The following CAMK2D variants were observed in gnomAD, a reference collection of about 807,000 sequenced individuals.
CAMK2D encodes calcium/calmodulin-dependent protein kinase type II subunit delta.
CAMK2D carries 37 observed loss-of-function variants against 84.0 expected under a neutral mutation model. The observed-to-expected ratio is 0.44, with a 90% CI of 0.34 to 0.58. The LOEUF is 0.58. Among genes scored for constraint, CAMK2D ranks in the 20% least tolerant of loss-of-function variants. The pLI, the probability that CAMK2D is intolerant of heterozygous loss-of-function variation, is 0.02. For missense variants in CAMK2D, 448 were observed against 652.5 expected (o/e 0.69, Z 3.41); for synonymous variants, 202 against 212.5 (o/e 0.95, Z 0.43).
intron 4 of CAMK2D, among the ~76,000 whole-genome samples, chr4:113,573,002 T>C (rs113990343): frequency 1.3e-5 from 2 of 152,026 alleles, no homozygotes; most frequent in South Asian, 2.1e-4. Flanking sequence ...TATGAACTTA[T>C]GAACACAAAG....
At chr4:113,723,439 G>T (rs188435590) in intron 2 of CAMK2D, among the ~76,000 whole-genome samples, 8 of 152,164 alleles carry the variant, frequency 5.3e-5, no homozygotes, top group African/African-American at 1.7e-4. Flanking sequence ...GGCCAGGCTG[G>T]CCTCGAACTC....
Position 113,451,068 on chromosome 4 carries a change from A to G in CAMK2D, c.*3477T>C, listed in dbSNP as rs1051805840. ...CAGTAGAATTTTATTCAATGAAATC[A>G]CTCGAAAGCTGTGTCATCTATGTTT... On this transcript the variant is annotated 3_prime_UTR_variant, in exon 21 of 21. Coordinates refer to ENST00000511664, the MANE Select transcript of CAMK2D (RefSeq NM_001321571.2). 1 of 152,226 alleles carries G rather than the reference A, an allele frequency of 6.6e-6. No individual in the cohort carries two copies. Among genetic ancestry groups the G allele is most frequent in the Non-Finnish European group, 1.5e-5 (1 of 68,036 alleles). 9.4% of individuals were successfully genotyped at this position (152,226 alleles called of 1,614,324 possible).
rs2097274348 is a variant in CAMK2D, at chr4:113,453,807, AAAAC to A, written c.*734_*737del. 6.6e-6 allele frequency: 1 copy of A among 152,632 alleles called. No individual in the cohort carries two copies. Among genetic ancestry groups the A allele is most frequent in the African/African-American group, 2.4e-5 (1 of 41,470 alleles). 9.5% of individuals were successfully genotyped at this position (152,632 alleles called of 1,614,324 possible). On this transcript the variant is annotated 3_prime_UTR_variant, in exon 21 of 21. Transcript: ENST00000511664. The stretch of plus-strand genomic sequence containing the variant: ...AAAGAGATCACAGATTTGAGAAAGA[AAAAC>A]AATTCAATTCAGCAAATTCACCAAA...
rs912949271 is a variant in CAMK2D, at chr4:113,754,299, T to C, written c.160+5021A>G. On this transcript the variant is annotated intron_variant, in intron 2 of 20. Coordinates refer to ENST00000511664, the MANE Select transcript of CAMK2D (RefSeq NM_001321571.2). ...GTTAAAAAATATACCAATCCAGCCC[T>C]AGAAATACTATGAGTCAACCTCAGT... The C allele has an allele frequency of 1.9e-5, 19 of 976,954 alleles. No homozygotes were observed. The Admixed American group carries it at 2.5e-4, about 13-fold the overall frequency. The allele number at this position is 976,954 out of a possible 1,614,324, so 60.5% of individuals were successfully genotyped here.
chr4:113,498,858 C>G (rs1279157900), intron 16 of CAMK2D, among the ~76,000 whole-genome samples: 1 of 152,150 alleles, frequency 6.6e-6, no homozygotes, highest in Non-Finnish European at 1.5e-5. Context: ...ATACTTAGTA[C>G]AGTTGAGTGC....
rs990963404 is a variant in CAMK2D, at chr4:113,529,564, CTTAGTAGGGTAATG to C, written c.601+1638_601+1651del. Reference sequence around the variant, plus strand: ...GAATTTAGGTGATTATGTTGATAATCTTAGTAGGGTAATGTTGCAGCATTCTTTCAGTCTTTCCT... The same window carrying C: ...GAATTTAGGTGATTATGTTGATAATCTTGCAGCATTCTTTCAGTCTTTCCT... On this transcript the variant is annotated intron_variant, in intron 8 of 20. Coordinates refer to ENST00000511664, the MANE Select transcript of CAMK2D (RefSeq NM_001321571.2). Among the ~76,000 whole-genome samples the C allele has an allele frequency of 2.6e-4, 39 of 152,220 alleles. No individual in the cohort carries two copies. The East Asian group carries it at 6.9e-3, about 27-fold the overall frequency.
At chr4:113,544,576 C>T (rs1353121985) in intron 6 of CAMK2D, among the ~76,000 whole-genome samples, 3 of 152,146 alleles carry the variant, frequency 2.0e-5, no homozygotes, top group Non-Finnish European at 2.9e-5. Context: ...ATCAGAGCAC[C>T]TTCCTCATAA....
intron 3 of CAMK2D, among the ~76,000 whole-genome samples, chr4:113,624,008 C>T (rs77996534): frequency 0.095 from 14,369 of 152,038 alleles, 858 homozygotes; most frequent in Non-Finnish European, 0.13. Context: ...CTCTGAGATC[C>T]TTTCCTGGAA....
At chr4:113,747,415 T>C (rs1467516554) in intron 2 of CAMK2D, among the ~76,000 whole-genome samples, 1 of 151,958 alleles carries the variant, frequency 6.6e-6, no homozygotes, top group Admixed American at 6.6e-5. Context: ...CATTTGGGAA[T>C]CATTTTATTC....
intron 12 of CAMK2D, among the ~76,000 whole-genome samples, chr4:113,512,374 A>G (rs778397284): frequency 1.3e-5 from 2 of 152,190 alleles, no homozygotes. Flanking sequence ...TAAGCCTATT[A>G]TTTAACAAAC....
intron 13 of CAMK2D, among the ~76,000 whole-genome samples, chr4:113,505,968 A>G (rs2098122700): frequency 1.3e-5 from 2 of 152,114 alleles, no homozygotes; most frequent in African/African-American, 4.8e-5. Flanking sequence ...ATGCATGACA[A>G]CTTACATTAC....
rs562500505 is a variant in CAMK2D, at chr4:113,631,867, T to C, written c.221-22661A>G. ...TGATGAGCATGCTTTACTACTATGA[T>C]GGTGAAAATAATGTGTCCTTATAGA... On this transcript the variant is annotated intron_variant, in intron 3 of 20. Coordinates refer to ENST00000511664, the MANE Select transcript of CAMK2D (RefSeq NM_001321571.2). Among the ~76,000 whole-genome samples, 50 of 151,452 alleles carry C rather than the reference T, an allele frequency of 3.3e-4. No homozygotes were observed. The South Asian group carries it at 9.8e-3, about 30-fold the overall frequency.
intron 16 of CAMK2D, among the ~76,000 whole-genome samples, chr4:113,483,852 C>A (rs2097732797): frequency 2.0e-5 from 3 of 151,916 alleles, no homozygotes; most frequent in Admixed American, 6.6e-5. Flanking sequence ...CATAAGGGAA[C>A]TAATGTGGAA....
intron 3 of CAMK2D, among the ~76,000 whole-genome samples, chr4:113,612,021 C>T (rs2099002441): frequency 6.6e-6 from 1 of 152,014 alleles, no homozygotes; most frequent in Non-Finnish European, 1.5e-5. Flanking sequence ...TACTTCCTTC[C>T]ACTCTCTTAT....
chr4:113,455,474 C>T (rs2097293074), intron 20 of CAMK2D, among the ~76,000 whole-genome samples: 1 of 152,182 alleles, frequency 6.6e-6, no homozygotes. Context: ...AGGATTCTAA[C>T]ATGACACAAT....
At chr4:113,684,663 T>C (rs184556262) in intron 2 of CAMK2D, among the ~76,000 whole-genome samples, 1 of 152,330 alleles carries the variant, frequency 6.6e-6, no homozygotes, top group Admixed American at 6.5e-5. Context: ...CTTGCCTTTC[T>C]GCCCAGAAAG....
chr4:113,746,993 T>TATAC (rs201670465), intron 2 of CAMK2D, among the ~76,000 whole-genome samples: 11 of 149,606 alleles, frequency 7.4e-5, no homozygotes, highest in African/African-American at 2.4e-4. Context: ...TATATATATA[T>TATAC]ACATTGAGTA....
chr4:113,506,890 T>TC (rs1560573196), intron 13 of CAMK2D, among the ~76,000 whole-genome samples: 7 of 148,580 alleles, frequency 4.7e-5, no homozygotes, highest in African/African-American at 1.8e-4. Flanking sequence ...AGTGCACATG[T>TC]TCCCCCCCCC....
intron 16 of CAMK2D, among the ~76,000 whole-genome samples, chr4:113,493,297 T>A (rs1020215504): frequency 1.1e-4 from 17 of 152,266 alleles, no homozygotes; most frequent in African/African-American, 3.4e-4. Flanking sequence ...TTCCTTTCCA[T>A]GTTTAGTGCT....
Sources: gnomAD v4.1 joint callset for allele counts (sites outside exome capture counted in the v4.1 genomes callset) on GRCh38, gnomAD v4.1.1 for gene constraint, MANE v1.5 for transcripts, NCBI Gene and HGNC (gene_info 2026-07-23, HGNC 2026-07-21) for gene names.